The following SLC24A2 variants were observed in gnomAD, a reference collection of about 807,000 sequenced individuals.
SLC24A2 encodes the protein sodium/potassium/calcium exchanger 2.
In SLC24A2, 36 loss-of-function variants were observed where a neutral mutation model predicts 62.0. That is an observed-to-expected ratio of 0.58 (90% CI 0.44 to 0.77). SLC24A2 has a LOEUF of 0.77. SLC24A2 is among the 30% of genes least tolerant of loss of function. The pLI, the probability that SLC24A2 is intolerant of heterozygous loss-of-function variation, is 0.00. For missense variants in SLC24A2, 846 were observed against 817.9 expected (o/e 1.03, Z -0.42); for synonymous variants, 358 against 294.0 (o/e 1.22, Z -2.23).
At chr9:20,255,136 C>G in the SLC24A2 span, among the ~76,000 whole-genome samples, 3 of 152,170 alleles carry the variant, frequency 2.0e-5, no homozygotes, top group Non-Finnish European at 2.9e-5. Context: ...TGAAATGTGA[C>G]CAAAGTTCAG....
chr9:20,023,326 A>G, the SLC24A2 span, among the ~76,000 whole-genome samples: 229 of 152,324 alleles, frequency 1.5e-3, no homozygotes, highest in Middle Eastern at 0.02. Context: ...TATTTCATGT[A>G]AACTGCTCTG....
the SLC24A2 span, among the ~76,000 whole-genome samples, chr9:20,052,421 C>A: frequency 6.6e-6 from 1 of 152,194 alleles, no homozygotes; most frequent in Non-Finnish European, 1.5e-5. Context: ...CAATGAGGCA[C>A]TGAAATAAGG....
chr9:19,768,408 T>C (rs1225083819), intron 2 of SLC24A2, among the ~76,000 whole-genome samples: 2 of 152,170 alleles, frequency 1.3e-5, no homozygotes, highest in African/African-American at 4.8e-5. Flanking sequence ...CTCATCCTAC[T>C]TGGTCACCAG....
At chr9:19,595,781 G>T (rs1166373634) in intron 5 of SLC24A2, among the ~76,000 whole-genome samples, 2 of 152,162 alleles carry the variant, frequency 1.3e-5, no homozygotes, top group Middle Eastern at 3.2e-3. Context: ...GAAGGTAATG[G>T]ACAGGATGGA....
At chr9:19,555,781 C>T (rs1835060069) in intron 7 of SLC24A2, among the ~76,000 whole-genome samples, 2 of 152,036 alleles carry the variant, frequency 1.3e-5, no homozygotes. Flanking sequence ...CCCATCTCTA[C>T]TAAAAATACA....
chr9:20,059,502 A>C, the SLC24A2 span, among the ~76,000 whole-genome samples: 1 of 152,178 alleles, frequency 6.6e-6, no homozygotes. Flanking sequence ...ACATAAGGAA[A>C]ACTGGAAAAT....
the SLC24A2 span, among the ~76,000 whole-genome samples, chr9:20,259,437 A>G: frequency 3.3e-5 from 5 of 152,258 alleles, no homozygotes; most frequent in African/African-American, 1.2e-4. Flanking sequence ...AAATTTTATT[A>G]ACCAAAAAAA....
the SLC24A2 span, among the ~76,000 whole-genome samples, chr9:20,025,773 G>T: frequency 6.6e-5 from 10 of 152,182 alleles, no homozygotes; most frequent in African/African-American, 2.4e-4. Context: ...AAGTGGAAAT[G>T]ACATCTATAA....
At chr9:20,209,411 G>C in the SLC24A2 span, among the ~76,000 whole-genome samples, 1 of 152,108 alleles carries the variant, frequency 6.6e-6, no homozygotes, top group South Asian at 2.1e-4. Context: ...TAACCTCTGT[G>C]TCCTGTAAAA....
rs561449363 is a variant in SLC24A2, at chr9:19,523,644, G to C, written c.1570-2584C>G. Among the ~76,000 whole-genome samples, 82 of 152,100 alleles carry C rather than the reference G, an allele frequency of 5.4e-4. 1 individual carries two copies. The highest frequency in any genetic ancestry group is 1.9e-4 in the Non-Finnish European group (13 of 67,990). ...TGCCTGGCTAATTTTTGCATTTTTA[G>C]TAGAGATGGGGTTTCACCACGTTGG... On this transcript the variant is annotated intron_variant, in intron 9 of 10. Coordinates refer to ENST00000341998, the MANE Select transcript of SLC24A2 (RefSeq NM_020344.4).
chr9:20,094,529 A>T, the SLC24A2 span, among the ~76,000 whole-genome samples: 5 of 152,318 alleles, frequency 3.3e-5, no homozygotes, highest in African/African-American at 9.6e-5. Context: ...TTTCTAATGA[A>T]GTTTGCAACA....
chr9:20,165,259 C>T, the SLC24A2 span, among the ~76,000 whole-genome samples: 1 of 151,864 alleles, frequency 6.6e-6, no homozygotes, highest in African/African-American at 2.4e-5. Flanking sequence ...TCAATTCAAC[C>T]CCAATAAAAA....
At chr9:19,857,483 C>T in the SLC24A2 span, among the ~76,000 whole-genome samples, 1 of 152,144 alleles carries the variant, frequency 6.6e-6, no homozygotes, top group South Asian at 2.1e-4. Flanking sequence ...ATTCAGTCTT[C>T]CAATTCATAA....
the SLC24A2 span, among the ~76,000 whole-genome samples, chr9:19,932,788 T>C: frequency 6.6e-6 from 1 of 152,252 alleles, no homozygotes; most frequent in Non-Finnish European, 1.5e-5. Flanking sequence ...TTCCTATCAG[T>C]TATAAGGCCT....
the SLC24A2 span, among the ~76,000 whole-genome samples, chr9:20,083,135 C>A: frequency 1.3e-5 from 2 of 152,230 alleles, no homozygotes; most frequent in African/African-American, 4.8e-5. Flanking sequence ...ACTTTTGTTT[C>A]CACCTCAACT....
the SLC24A2 span, among the ~76,000 whole-genome samples, chr9:20,191,288 T>C: frequency 1.6e-4 from 24 of 152,164 alleles, no homozygotes; most frequent in Non-Finnish European, 7.3e-5. Flanking sequence ...GTAGTTTATA[T>C]ACTTACTGTT....
chr9:20,011,486 A>G, the SLC24A2 span, among the ~76,000 whole-genome samples: 1 of 152,214 alleles, frequency 6.6e-6, no homozygotes, highest in Admixed American at 6.5e-5. Context: ...ATTCGAACAC[A>G]GGACACTTGA....
chr9:19,897,286 A>G, the SLC24A2 span, among the ~76,000 whole-genome samples: 2 of 152,194 alleles, frequency 1.3e-5, no homozygotes, highest in East Asian at 3.8e-4. Context: ...AGTCAAGTAC[A>G]TGTTAGTTCA....
rs1428185208 is a variant in SLC24A2, at chr9:19,513,157, T to C, written c.*2996A>G. The C allele has an allele frequency of 1.6e-5, 1 of 62,394 alleles. No individual in the cohort carries two copies. The highest frequency in any genetic ancestry group is 4.9e-4 in the East Asian group (1 of 2,052). The allele number at this position is 62,394 out of a possible 1,614,324, so 3.9% of individuals were successfully genotyped here. A position where few individuals can be genotyped will look rare whatever the true frequency, so the allele number is the denominator to read the frequency against. ...TACATATAGATCTGGTATAAAGATA[T>C]ATATATATATATATATATGTATATA... is the stretch of plus-strand genomic sequence containing the variant. On this transcript the variant is annotated 3_prime_UTR_variant, in exon 11 of 11. Coordinates refer to ENST00000341998, the MANE Select transcript of SLC24A2 (RefSeq NM_020344.4).
Sources: gnomAD v4.1 joint callset for allele counts (sites outside exome capture counted in the v4.1 genomes callset) on GRCh38, gnomAD v4.1.1 for gene constraint, MANE v1.5 for transcripts, NCBI Gene and HGNC (gene_info 2026-07-23, HGNC 2026-07-21) for gene names.